IL1RAPL1: variants seen among roughly 807,000 people sequenced by gnomAD.
The protein encoded by IL1RAPL1 is interleukin-1 receptor accessory protein-like 1.
IL1RAPL1 carries 3 observed loss-of-function variants against 48.4 expected under a neutral mutation model. The ratio of observed to expected loss-of-function variants is 0.06; its 90% CI spans 0.03 to 0.16. IL1RAPL1 has a LOEUF of 0.16. IL1RAPL1 is among the 10% of genes least tolerant of loss of function. The probability of loss-of-function intolerance (pLI) is 1.00; values close to 1 mark genes in which losing one functional copy is unlikely to be tolerated. For synonymous variants in IL1RAPL1, 185 were observed against 187.7 expected, an observed-to-expected ratio of 0.99 and a Z score of 0.12; for missense variants, 349 against 530.6, an observed-to-expected ratio of 0.66 and a Z score of 3.36.
intron 5 of IL1RAPL1, among the ~76,000 whole-genome samples, chrX:29,645,445 C>T (rs1925289884): frequency 9.0e-6 from 1 of 111,222 alleles, no homozygotes; most frequent in African/African-American, 3.3e-5. Flanking sequence ...ATTCTGTCTG[C>T]TTGGGGGAAA....
intron 2 of IL1RAPL1, among the ~76,000 whole-genome samples, chrX:28,981,090 CAAAAAAAAAAAAAAAAAAAAAAA>C (rs57824632): frequency 1.5e-3 from 37 of 24,306 alleles, no homozygotes; most frequent in Middle Eastern, 0.032. Flanking sequence ...GACCCTGTCT[CAAAAAAAAAAAAAAAAAAAAAAA>C]AAAAAAAAAA....
At chrX:29,647,849 T>C (rs763476372) in intron 5 of IL1RAPL1, among the ~76,000 whole-genome samples, 24 of 112,016 alleles carry the variant, frequency 2.1e-4, no homozygotes, top group Non-Finnish European at 4.1e-4. Flanking sequence ...CAGTCAAAGA[T>C]ATAGAGTGGC....
intron 2 of IL1RAPL1, among the ~76,000 whole-genome samples, chrX:29,032,949 A>G: frequency 8.9e-6 from 1 of 112,753 alleles, no homozygotes; most frequent in Non-Finnish European, 1.9e-5. Flanking sequence ...TGAGATGCTT[A>G]TTATACTGTG....
chrX:28,845,753 A>G (rs770371297), intron 2 of IL1RAPL1, among the ~76,000 whole-genome samples: 18 of 112,155 alleles, frequency 1.6e-4, no homozygotes, highest in Non-Finnish European at 2.6e-4. Flanking sequence ...TTATGAAGTT[A>G]AAAAGATTTT....
chrX:29,477,224 T>G (rs1934987777), intron 5 of IL1RAPL1, among the ~76,000 whole-genome samples: 1 of 111,600 alleles, frequency 9.0e-6, no homozygotes, highest in South Asian at 3.8e-4. Flanking sequence ...CCTAAGATGT[T>G]CTGTGAATAT....
At chrX:29,034,095 A>ACATGT (rs1411197217) in intron 2 of IL1RAPL1, among the ~76,000 whole-genome samples, 1 of 112,413 alleles carries the variant, frequency 8.9e-6, no homozygotes, top group Admixed American at 9.5e-5. Context: ...AAGTGAACAC[A>ACATGT]CATGTCAAAA....
At chrX:29,667,686 G>A (rs57415074) in intron 5 of IL1RAPL1, among the ~76,000 whole-genome samples, 10,401 of 111,495 alleles carry the variant, frequency 0.093, 420 homozygotes, top group Middle Eastern at 0.21. Flanking sequence ...ATTTCTAATG[G>A]CAAACTCTTA....
At chrX:29,032,809 G>C (rs756952258) in intron 2 of IL1RAPL1, among the ~76,000 whole-genome samples, 1 of 112,384 alleles carries the variant, frequency 8.9e-6, no homozygotes, top group African/African-American at 3.2e-5. Context: ...ATTGAACTGA[G>C]TTTGAATTGC....
At chrX:28,873,917 T>C (rs145847148) in intron 2 of IL1RAPL1, among the ~76,000 whole-genome samples, 1,516 of 108,522 alleles carry the variant, frequency 0.014, 28 homozygotes, top group African/African-American at 0.048. Context: ...ATGGGACTTA[T>C]TTGGCTCATT....
In IL1RAPL1 at chrX:29,117,210, C is replaced by T. The variant is rs1188698658; in HGVS notation, c.83-165728C>T. Among the ~76,000 whole-genome samples the T allele has an allele frequency of 3.6e-5, 4 of 111,733 alleles. No homozygotes were observed. The Admixed American group carries it at 3.8e-4, about 11-fold the overall frequency. On this transcript the variant is annotated intron_variant, in intron 2 of 10. Coordinates refer to ENST00000378993, the MANE Select transcript of IL1RAPL1 (RefSeq NM_014271.4). ...AGTGAACACTGAAATGCAAACAAGA[C>T]TTAATAATTCAGTGACAAGGGATTG... is the stretch of plus-strand genomic sequence containing the variant.
At chrX:28,878,093 G>T (rs895435843) in intron 2 of IL1RAPL1, among the ~76,000 whole-genome samples, 1 of 112,120 alleles carries the variant, frequency 8.9e-6, no homozygotes, top group African/African-American at 3.2e-5. Context: ...AGAGCTGGGA[G>T]AGGGACTATT....
chrX:29,209,106 G>A (rs1206884175), intron 2 of IL1RAPL1, among the ~76,000 whole-genome samples: 8 of 111,801 alleles, frequency 7.2e-5, no homozygotes, highest in Non-Finnish European at 1.3e-4. Flanking sequence ...GTCTAGTTTC[G>A]TACTTTTGTC....
chrX:29,184,236 A>T (rs939986009), intron 2 of IL1RAPL1, among the ~76,000 whole-genome samples: 1 of 111,511 alleles, frequency 9.0e-6, no homozygotes, highest in Non-Finnish European at 1.9e-5. Context: ...GGCAGGAATG[A>T]TGTTTTATTA....
intron 2 of IL1RAPL1, among the ~76,000 whole-genome samples, chrX:29,202,634 T>G (rs1392091618): frequency 4.5e-5 from 5 of 111,712 alleles, no homozygotes; most frequent in Admixed American, 3.8e-4. Flanking sequence ...GTAGACTGGA[T>G]AAAGAAACTG....
chrX:28,938,806 A>G (rs1279920150), intron 2 of IL1RAPL1, among the ~76,000 whole-genome samples: 1 of 111,070 alleles, frequency 9.0e-6, no homozygotes, highest in Non-Finnish European at 1.9e-5. Context: ...TCCAGCATCT[A>G]TGAGGAACTT....
intron 5 of IL1RAPL1, among the ~76,000 whole-genome samples, chrX:29,480,711 A>G (rs1935033657): frequency 3.6e-5 from 4 of 110,926 alleles, no homozygotes; most frequent in Admixed American, 1.9e-4. Context: ...ATCTCTACAC[A>G]TCTCTTATTA....
chrX:29,366,553 A>ATTTTTTTTTTTTT (rs34164964), intron 3 of IL1RAPL1, among the ~76,000 whole-genome samples: 2 of 37,256 alleles, frequency 5.4e-5, no homozygotes, highest in Non-Finnish European at 8.6e-5. Flanking sequence ...TGATAGGTCA[A>ATTTTTTTTTTTTT]TTTTTTTTTT....
chrX:28,970,140 G>A (rs1007321458), intron 2 of IL1RAPL1, among the ~76,000 whole-genome samples: 1 of 111,442 alleles, frequency 9.0e-6, no homozygotes, highest in African/African-American at 3.3e-5. Flanking sequence ...AGCTGGGATT[G>A]CAGGCAACTG....
chrX:29,609,454 A>G (rs1231970356), intron 5 of IL1RAPL1, among the ~76,000 whole-genome samples: 2 of 111,583 alleles, frequency 1.8e-5, no homozygotes, highest in Non-Finnish European at 3.8e-5. Context: ...GCTCTTCTCC[A>G]CCTGAATTGT....
Sources: gnomAD v4.1 joint callset for allele counts (sites outside exome capture counted in the v4.1 genomes callset) on GRCh38, gnomAD v4.1.1 for gene constraint, MANE v1.5 for transcripts, NCBI Gene and HGNC (gene_info 2026-07-23, HGNC 2026-07-21) for gene names.